The following ARHGAP29 variants were observed in gnomAD, a reference collection of about 807,000 sequenced individuals.
The protein encoded by ARHGAP29 is Rho GTPase activating protein 29, also known as rho GTPase-activating protein 29.
Under a neutral mutation model 122.6 loss-of-function variants are expected in ARHGAP29, and 43 were observed. The observed-to-expected ratio is 0.35, with a 90% CI of 0.27 to 0.45. The LOEUF is 0.45. Among genes scored for constraint, ARHGAP29 ranks in the 20% least tolerant of loss-of-function variants. ARHGAP29 has a pLI of 1.00. For synonymous variants in ARHGAP29, 506 were observed against 497.1 expected, an observed-to-expected ratio of 1.02 and a Z score of -0.24; for missense variants, 1,303 against 1,477.2, an observed-to-expected ratio of 0.88 and a Z score of 1.93.
intron 1 of ARHGAP29, among the ~76,000 whole-genome samples, chr1:94,271,863 G>T (rs1284897046): frequency 6.6e-6 from 1 of 152,190 alleles, no homozygotes; most frequent in East Asian, 1.9e-4. Flanking sequence ...GACTTCCACT[G>T]AAGTACAAGG....
In ARHGAP29 at chr1:94,208,894, A is replaced by T; in HGVS notation, c.448T>A (p.Phe150Ile). ...AFTFGNILTNFLMGDVGNDSL... is the reference protein window; with the variant it reads ...AFTFGNILTNILMGDVGNDSL... ...TCATTGCCTACATCTCCCATAAGGA[A>T]GTTTGTAAGGCTATCCAAGGAGGTT... The change falls in exon 5 of 23, where the codon TTC becomes ATC. Residue 150 changes from phenylalanine (F) to isoleucine (I), a missense_variant. Physicochemically the swap from Phe to Ile is conservative, Grantham distance 21. Coordinates refer to ENST00000260526, the MANE Select transcript of ARHGAP29 (RefSeq NM_004815.4). 6.2e-7 allele frequency: 1 copy of T among 1,613,886 alleles called. No homozygotes were observed.
chr1:94,169,369 G>A lies in ARHGAP29; in HGVS notation c.*4500C>T, dbSNP rs1002978250. ...TCAGGACCAGCGCTGCTATGACTGC[G>A]GATTTATTTGGCATATTTGGGACTG... On this transcript the variant is annotated 3_prime_UTR_variant, in exon 23 of 23. Transcript: ENST00000260526. 6.6e-5 allele frequency among the ~76,000 whole-genome samples: 10 copies of A among 152,082 alleles called. No individual in the cohort carries two copies. Among genetic ancestry groups the A allele is most frequent in the South Asian group, 6.2e-4 (3 of 4,826 alleles).
intron 1 of ARHGAP29, among the ~76,000 whole-genome samples, chr1:94,267,584 A>G (rs999786089): frequency 6.6e-6 from 1 of 152,022 alleles, no homozygotes; most frequent in African/African-American, 2.4e-5. Flanking sequence ...TAATTCACCT[A>G]TGTTTAATCT....
Position 94,208,907 on chromosome 1 carries a change from A to G in ARHGAP29, c.438-3T>C, listed in dbSNP as rs202102607. ...CTCCCATAAGGAAGTTTGTAAGGCTATCCAAGGAGGTTAAAAAAAGAAAGA... is the reference window on the plus strand; with the variant it reads ...CTCCCATAAGGAAGTTTGTAAGGCTGTCCAAGGAGGTTAAAAAAAGAAAGA... On this transcript the variant is annotated splice_region_variant and splice_polypyrimidine_tract_variant and intron_variant, in intron 4 of 22. Coordinates refer to ENST00000260526, the MANE Select transcript of ARHGAP29 (RefSeq NM_004815.4). 3 of 1,613,062 alleles carry G rather than the reference A, an allele frequency of 1.9e-6. No homozygotes were observed. The Admixed American group carries it at 5.0e-5, about 27-fold the overall frequency.
Position 94,274,672 on chromosome 1 carries a change from A to G in ARHGAP29, c.-33+340T>C, listed in dbSNP as rs138628420. Among the ~76,000 whole-genome samples the G allele has an allele frequency of 1.1e-3, 172 of 152,332 alleles. 1 individual carries two copies. The East Asian group carries it at 0.033, about 29-fold the overall frequency. On this transcript the variant is annotated intron_variant and NMD_transcript_variant, in intron 1 of 25. Transcript: ENST00000552844. ...ATTGGGATACCAAGAAAACATAGCA[A>G]AAGGGCAACAAACCTGGCCTGGGCA...
At chr1:94,255,682 CTG>C in intron 1 of ARHGAP29, among the ~76,000 whole-genome samples, 1 of 152,310 alleles carries the variant, frequency 6.6e-6, no homozygotes, top group East Asian at 1.9e-4. Flanking sequence ...CATTGTAATA[CTG>C]TCATTAAAAT....
In ARHGAP29 at chr1:94,179,892, T is replaced by C. The variant is rs780339296; in HGVS notation, c.2313A>G (p.Gln771=). Residue 771 remains glutamine (Q), a synonymous_variant, in exon 20 of 23, where the codon CAA becomes CAG. Coordinates refer to ENST00000260526, the MANE Select transcript of ARHGAP29 (RefSeq NM_004815.4). The part of the protein sequence containing the change: ...KEFIDLAKEI[Q]HVNEEQETKK... ...TTGTCTCTTGTTCTTCATTTACATGTTGGATCTCTTTTGCAAGGTCTATAA... is the reference window on the plus strand; with the variant it reads ...TTGTCTCTTGTTCTTCATTTACATGCTGGATCTCTTTTGCAAGGTCTATAA... The C allele has an allele frequency of 3.1e-6, 5 of 1,613,024 alleles. No individual in the cohort carries two copies. The African/African-American group carries it at 6.7e-5, about 22-fold the overall frequency.
chr1:94,267,179 T>C (rs1654804804), intron 1 of ARHGAP29, among the ~76,000 whole-genome samples: 1 of 152,216 alleles, frequency 6.6e-6, no homozygotes, highest in African/African-American at 2.4e-5. Context: ...CAAAGTACTA[T>C]GGACTGTTAA....
At chr1:94,226,213 C>T (rs1252631720) in intron 2 of ARHGAP29, among the ~76,000 whole-genome samples, 2 of 151,626 alleles carry the variant, frequency 1.3e-5, no homozygotes, top group Non-Finnish European at 1.5e-5. Flanking sequence ...TAGGAAAGTC[C>T]CAATTTTTGT....
At chr1:94,251,021 A>G (rs933775983) in intron 1 of ARHGAP29, among the ~76,000 whole-genome samples, 1 of 152,230 alleles carries the variant, frequency 6.6e-6, no homozygotes, top group African/African-American at 2.4e-5. Context: ...TTATGGTGGT[A>G]GTAATAATAA....
intron 12 of ARHGAP29, among the ~76,000 whole-genome samples, chr1:94,199,718 C>T (rs1650715954): frequency 6.6e-6 from 1 of 152,192 alleles, no homozygotes; most frequent in African/African-American, 2.4e-5. Context: ...AACAGTTTAC[C>T]TTGCCTTTCC....
At chr1:94,181,588 C>A (rs1406667010) in intron 19 of ARHGAP29, among the ~76,000 whole-genome samples, 1 of 152,116 alleles carries the variant, frequency 6.6e-6, no homozygotes, top group African/African-American at 2.4e-5. Context: ...GAGATAGAGG[C>A]ATCAAGTGTT....
the ARHGAP29 span, among the ~76,000 whole-genome samples, chr1:94,306,288 G>C: frequency 2.6e-5 from 4 of 152,186 alleles, no homozygotes. Flanking sequence ...CTTTCCCCAG[G>C]TTGAAGCTGT....
At chr1:94,224,599 AATAG>A (rs1387532432) in intron 2 of ARHGAP29, among the ~76,000 whole-genome samples, 9 of 152,338 alleles carry the variant, frequency 5.9e-5, no homozygotes, top group South Asian at 2.1e-4. Flanking sequence ...TTTAATTTCT[AATAG>A]ATAGAACTCA....
At chr1:94,222,815 T>C (rs1453538498) in intron 2 of ARHGAP29, among the ~76,000 whole-genome samples, 1 of 152,230 alleles carries the variant, frequency 6.6e-6, no homozygotes, top group South Asian at 2.1e-4. Flanking sequence ...ATGGGAACTT[T>C]GTATTATTAT....
At chr1:94,226,106 A>AC (rs113634713) in intron 2 of ARHGAP29, among the ~76,000 whole-genome samples, 17 of 151,264 alleles carry the variant, frequency 1.1e-4, no homozygotes, top group African/African-American at 2.2e-4. Flanking sequence ...TAAAAAAAAA[A>AC]CTGACAATAA....
intron 2 of ARHGAP29, among the ~76,000 whole-genome samples, chr1:94,221,835 C>T (rs1408412475): frequency 2.0e-5 from 3 of 151,732 alleles, no homozygotes; most frequent in African/African-American, 7.2e-5. Context: ...CACCTAGTAT[C>T]TAGATCTTGG....
At chr1:94,189,104 C>T in intron 14 of ARHGAP29, 112 bp downstream of exon 14, 5 of 1,426,768 alleles carry the variant, frequency 3.5e-6, no homozygotes, top group Non-Finnish European at 4.7e-6. Flanking sequence ...ATCTCATAAA[C>T]TTACAAACTA....
At chr1:94,293,541 A>C in the ARHGAP29 span, among the ~76,000 whole-genome samples, 4 of 152,174 alleles carry the variant, frequency 2.6e-5, no homozygotes, top group African/African-American at 9.7e-5. Flanking sequence ...TAGGAAATGC[A>C]GAAATCACTC....
Sources: allele counts gnomAD v4.1 joint callset (sites outside exome capture counted in the v4.1 genomes callset), GRCh38; gene constraint gnomAD v4.1.1; transcripts MANE v1.5; gene names NCBI Gene and HGNC (gene_info 2026-07-23, HGNC 2026-07-21).